Variants in UST observed in about 807,000 individuals in gnomAD.
The protein encoded by UST is chondroitin sulfate 2-O-sulfotransferase.
A neutral mutation model predicts 45.6 loss-of-function variants in UST; 21 were observed. The observed-to-expected ratio is 0.46, with a 90% confidence interval of 0.33 to 0.66. The LOEUF (loss-of-function observed/expected upper bound fraction) is 0.66, where lower values mean the gene tolerates loss of function less well. Ranked by LOEUF, UST falls within the 30% of genes least tolerant of loss-of-function variation. The probability of loss-of-function intolerance (pLI) is 0.02; values close to 1 mark genes in which losing one functional copy is unlikely to be tolerated. For synonymous variants in UST, 215 were observed against 200.6 expected (o/e 1.07, Z -0.61); for missense variants, 463 against 512.4 (o/e 0.90, Z 0.93).
At position 149,019,120 on chromosome 6, in the gene UST, G is replaced by A. The variant is rs1204419261; in HGVS notation, c.682-19G>A. On this transcript the variant is annotated intron_variant, in intron 5 of 7. Transcript: ENST00000367463. The stretch of plus-strand genomic sequence containing the variant: ...TGCAGAGACTACAAGACATCTGACT[G>A]CTGTATTTTCTCTTCTAGGATATCA... 1 of 1,570,144 alleles carries A rather than the reference G, an allele frequency of 6.4e-7. No homozygotes were observed. Among genetic ancestry groups the A allele is most frequent in the East Asian group, 2.2e-5 (1 of 44,636 alleles).
At chr6:149,066,814 C>A (rs1438176276) in intron 7 of UST, among the ~76,000 whole-genome samples, 1 of 152,134 alleles carries the variant, frequency 6.6e-6, no homozygotes, top group Non-Finnish European at 1.5e-5. Flanking sequence ...GTAGCTCACT[C>A]CTGTAGTCCC....
At position 148,916,990 on chromosome 6, in the gene UST, G is replaced by A. The variant is rs538861650; in HGVS notation, c.292-24289G>A. ...TCCCTTCCTCCCTTCCAGCTCCCAT[G>A]TGCTCCTCTGGTCTGATTCGACACC... On this transcript the variant is annotated intron_variant, in intron 2 of 7. Coordinates refer to ENST00000367463, the MANE Select transcript of UST (RefSeq NM_005715.3). Among the ~76,000 whole-genome samples, 14 of 152,246 alleles carry A rather than the reference G, an allele frequency of 9.2e-5. No individual in the cohort carries two copies. The East Asian group carries it at 2.5e-3, about 27-fold the overall frequency.
chr6:148,899,991 G>A (rs898049009), intron 2 of UST, among the ~76,000 whole-genome samples: 2 of 152,150 alleles, frequency 1.3e-5, no homozygotes, highest in Admixed American at 6.5e-5. Context: ...TTGCAACTAG[G>A]TAGACAGGAG....
At chr6:148,796,894 C>A (rs1277962652) in intron 1 of UST, among the ~76,000 whole-genome samples, 1 of 149,510 alleles carries the variant, frequency 6.7e-6, no homozygotes, top group African/African-American at 2.5e-5. Flanking sequence ...CCTCTGCCTC[C>A]CCAGTTCAAG....
At chr6:148,871,391 T>C (rs902192511) in intron 1 of UST, among the ~76,000 whole-genome samples, 3 of 152,128 alleles carry the variant, frequency 2.0e-5, no homozygotes, top group African/African-American at 7.2e-5. Flanking sequence ...ATGCCCAGCA[T>C]AGAGATTTTC....
intron 2 of UST, among the ~76,000 whole-genome samples, chr6:148,931,249 A>G (rs924211594): frequency 1.3e-5 from 2 of 152,228 alleles, no homozygotes; most frequent in Non-Finnish European, 2.9e-5. Flanking sequence ...TTGAGGTTGG[A>G]CTCAGAGTAT....
chr6:149,013,977 C>A (rs1307424083), intron 5 of UST, among the ~76,000 whole-genome samples: 1 of 152,244 alleles, frequency 6.6e-6, no homozygotes, highest in African/African-American at 2.4e-5. Flanking sequence ...CTTCCTTCCA[C>A]CCTTTCTAAA....
chr6:149,051,357 G>A (rs1419825856), intron 7 of UST, among the ~76,000 whole-genome samples: 1 of 152,316 alleles, frequency 6.6e-6, no homozygotes, highest in South Asian at 2.1e-4. Context: ...TAGAAAGTCA[G>A]GCAGGCCCTC....
intron 2 of UST, among the ~76,000 whole-genome samples, chr6:148,925,516 G>A (rs1779797127): frequency 6.6e-6 from 1 of 152,320 alleles, no homozygotes; most frequent in East Asian, 1.9e-4. Context: ...TTGCCAATGT[G>A]TAGGTTGTTT....
chr6:148,870,455 G>C (rs1339196201), intron 1 of UST, among the ~76,000 whole-genome samples: 1 of 152,188 alleles, frequency 6.6e-6, no homozygotes, highest in African/African-American at 2.4e-5. Context: ...TTCTGATTTT[G>C]GTTTCAAGTC....
intron 1 of UST, among the ~76,000 whole-genome samples, chr6:148,865,690 G>A (rs1474556562): frequency 1.3e-5 from 2 of 151,166 alleles, no homozygotes; most frequent in Admixed American, 1.3e-4. Context: ...GTGTGTGTGT[G>A]TGTGTGTGTG....
At chr6:149,049,374 G>A (rs558888218) in intron 7 of UST, among the ~76,000 whole-genome samples, 1 of 152,250 alleles carries the variant, frequency 6.6e-6, no homozygotes, top group South Asian at 2.1e-4. Flanking sequence ...ATAGTAAATC[G>A]TATTTACAAT....
At chr6:148,889,922 C>T (rs1168911968) in intron 2 of UST, among the ~76,000 whole-genome samples, 1 of 151,750 alleles carries the variant, frequency 6.6e-6, no homozygotes, top group Admixed American at 6.6e-5. Flanking sequence ...TCTCCCCCAA[C>T]CCCTAACTAA....
chr6:148,814,117 T>C lies in UST; in HGVS notation c.247+66440T>C, dbSNP rs141769714. ...CGCTCAATAAATTGCCATCACCAAG[T>C]TAAATGATGGGGTAATAAGGACAGG... On this transcript the variant is annotated intron_variant, in intron 1 of 7. Coordinates refer to ENST00000367463, the MANE Select transcript of UST (RefSeq NM_005715.3). 2.3e-3 allele frequency among the ~76,000 whole-genome samples: 353 copies of C among 152,254 alleles called. 1 individual carries two copies. Among genetic ancestry groups the C allele is most frequent in the African/African-American group, 8.3e-3 (346 of 41,546 alleles).
At chr6:148,878,258 TGCGG>T (rs1778741373) in intron 1 of UST, among the ~76,000 whole-genome samples, 1 of 79,250 alleles carries the variant, frequency 1.3e-5, no homozygotes, top group Non-Finnish European at 2.3e-5. Context: ...CGTGTATGAG[TGCGG>T]AGATCGTGTA....
In UST at chr6:149,076,420, G is replaced by A. The variant is rs1776891115; in HGVS notation, c.*2304G>A. Reference sequence around the variant, plus strand: ...GTTCAAAAACATTCATCCTCTTACTGCAAGTTTATCTGGGTACTTTTACCT... The same window carrying A: ...GTTCAAAAACATTCATCCTCTTACTACAAGTTTATCTGGGTACTTTTACCT... On this transcript the variant is annotated 3_prime_UTR_variant, in exon 8 of 8. Transcript: ENST00000367463. 1 of 152,174 alleles carries A rather than the reference G, an allele frequency of 6.6e-6. No individual in the cohort carries two copies. The highest frequency in any genetic ancestry group is 2.1e-4 in the South Asian group (1 of 4,830). 9.4% of individuals were successfully genotyped at this position (152,174 alleles called of 1,614,324 possible).
At chr6:148,998,284 G>T (rs1194347224) in intron 5 of UST, among the ~76,000 whole-genome samples, 1 of 152,178 alleles carries the variant, frequency 6.6e-6, no homozygotes, top group Non-Finnish European at 1.5e-5. Flanking sequence ...TGAGTTTTCT[G>T]TTCAGTACTG....
intron 5 of UST, among the ~76,000 whole-genome samples, chr6:149,010,872 A>G (rs910786236): frequency 6.3e-5 from 8 of 126,708 alleles, no homozygotes; most frequent in Non-Finnish European, 7.9e-5. Flanking sequence ...AGCCTGGGAG[A>G]CAGAGCAAGA....
intron 1 of UST, among the ~76,000 whole-genome samples, chr6:148,753,842 A>G (rs1776036617): frequency 6.6e-6 from 1 of 151,800 alleles, no homozygotes; most frequent in African/African-American, 2.4e-5. Flanking sequence ...GCCATTTCTT[A>G]TTTTCCATTT....
Sources: gnomAD v4.1 joint callset for allele counts (sites outside exome capture counted in the v4.1 genomes callset) on GRCh38, gnomAD v4.1.1 for gene constraint, MANE v1.5 for transcripts, NCBI Gene and HGNC (gene_info 2026-07-23, HGNC 2026-07-21) for gene names.